Variants in NWD2 observed in about 807,000 individuals in gnomAD.
NWD2 encodes NACHT and WD repeat domain-containing protein 2.
Under a neutral mutation model 132.7 loss-of-function variants are expected in NWD2, and 37 were observed. That is an observed-to-expected ratio of 0.28 (90% CI 0.21 to 0.37). The LOEUF is 0.37. Among genes scored for constraint, NWD2 ranks in the 10% least tolerant of loss-of-function variants. The pLI is 1.00. For synonymous variants in NWD2, 705 were observed against 803.0 expected, an observed-to-expected ratio of 0.88 and a Z score of 2.06; for missense variants, 1,592 against 2,122.4, an observed-to-expected ratio of 0.75 and a Z score of 4.91.
intron 1 of NWD2, among the ~76,000 whole-genome samples, chr4:37,300,224 T>C (rs1214027976): frequency 1.3e-5 from 2 of 152,168 alleles, no homozygotes; most frequent in Non-Finnish European, 2.9e-5. Context: ...TATGCATTAT[T>C]GGAAATAGTG....
Position 37,446,435 on chromosome 4 carries a change from A to C in NWD2, c.4447A>C (p.Asn1483His). 1 of 1,551,790 alleles carries C rather than the reference A, an allele frequency of 6.4e-7. No individual in the cohort carries two copies. Among genetic ancestry groups the C allele is most frequent in the Non-Finnish European group, 8.7e-7 (1 of 1,147,024 alleles). Residue 1483 changes from asparagine to histidine, a missense_variant, in exon 7 of 7, where the codon AAT becomes CAT. This residue lies in a region of NWD2 where 257 missense variants were observed against 335.0 expected (regional missense o/e 0.77). Transcript: ENST00000309447. This position sits in a 1 kb window ranked among gnomAD's most constrained non-coding sequence, Gnocchi z 6.7. ...CTGTGAAGATGGGACCACCATCGTGAATTTTAAATTAATCCCTGACTGTCC... is the reference window on the plus strand; with the variant it reads ...CTGTGAAGATGGGACCACCATCGTGCATTTTAAATTAATCCCTGACTGTCC... Reference protein sequence around the residue: ...FCCEDGTTIVNFKLIPDCPDI... With the variant: ...FCCEDGTTIVHFKLIPDCPDI...
intron 3 of NWD2, among the ~76,000 whole-genome samples, chr4:37,419,586 G>C (rs1711744909): frequency 6.6e-6 from 1 of 152,044 alleles, no homozygotes; most frequent in Non-Finnish European, 1.5e-5. Context: ...AGTGGGCAAA[G>C]GATATAAACA....
At chr4:37,342,488 T>C (rs896434385) in intron 2 of NWD2, among the ~76,000 whole-genome samples, 2 of 152,180 alleles carry the variant, frequency 1.3e-5, no homozygotes, top group African/African-American at 4.8e-5. Flanking sequence ...CAAAGGCGTA[T>C]GGTTTGTGGT....
chr4:37,252,227 G>T (rs1287640286), intron 1 of NWD2, among the ~76,000 whole-genome samples: 2 of 152,230 alleles, frequency 1.3e-5, no homozygotes, highest in Admixed American at 6.5e-5. Context: ...ATTTTGAATA[G>T]AAGTGGAACT....
chr4:37,294,460 C>T (rs1718437231), intron 1 of NWD2, among the ~76,000 whole-genome samples: 1 of 152,130 alleles, frequency 6.6e-6, no homozygotes, highest in South Asian at 2.1e-4. Flanking sequence ...GCCATAGGAG[C>T]AGCTAAGAAG....
chr4:37,329,662 A>C (rs1318029054), intron 2 of NWD2, among the ~76,000 whole-genome samples: 2 of 152,246 alleles, frequency 1.3e-5, no homozygotes, highest in Non-Finnish European at 2.9e-5. Context: ...AGTGAAGGAA[A>C]TAATTACAGA....
chr4:37,366,659 A>G (rs1383552156), intron 3 of NWD2, among the ~76,000 whole-genome samples: 1 of 152,166 alleles, frequency 6.6e-6, no homozygotes, highest in African/African-American at 2.4e-5. Flanking sequence ...AAGTATGTAT[A>G]TCTAGATATA....
intron 3 of NWD2, among the ~76,000 whole-genome samples, chr4:37,384,795 A>G (rs1213285669): frequency 6.6e-6 from 1 of 152,172 alleles, no homozygotes; most frequent in Non-Finnish European, 1.5e-5. Flanking sequence ...GCTAGCAACT[A>G]CAGCCCTACC....
intron 1 of NWD2, among the ~76,000 whole-genome samples, chr4:37,297,948 A>G (rs546696415): frequency 3.9e-5 from 6 of 152,228 alleles, no homozygotes; most frequent in East Asian, 1.9e-4. Flanking sequence ...TGTTCCAGCT[A>G]GAGACCCCCA....
chr4:37,330,173 A>G (rs910226869), intron 2 of NWD2, among the ~76,000 whole-genome samples: 52 of 152,284 alleles, frequency 3.4e-4, no homozygotes, highest in African/African-American at 1.2e-3. Context: ...ATTTGAACTA[A>G]GATATTTGAT....
intron 2 of NWD2, among the ~76,000 whole-genome samples, chr4:37,335,311 G>GT (rs1241388039): frequency 1.7e-5 from 2 of 120,434 alleles, no homozygotes; most frequent in Admixed American, 9.0e-5. Flanking sequence ...GGGGGGGGGG[G>GT]GCTTAAATTG....
At chr4:37,309,580 G>C (rs1028396508) in intron 1 of NWD2, among the ~76,000 whole-genome samples, 4 of 152,036 alleles carry the variant, frequency 2.6e-5, no homozygotes, top group African/African-American at 7.3e-5. Context: ...CAGTAGTCTG[G>C]GTTCCAGAGA....
rs1179340781 is a variant in NWD2, at chr4:37,245,016, C to G, written c.-52C>G. ...GTTCCGTGGAGCTGCGGGCAGGAACCCGAGGAGCAGGAGGTGGCGGCGGCG... is the reference window on the plus strand; with the variant it reads ...GTTCCGTGGAGCTGCGGGCAGGAACGCGAGGAGCAGGAGGTGGCGGCGGCG... On this transcript the variant is annotated 5_prime_UTR_variant, in exon 1 of 7. Coordinates refer to ENST00000309447, the MANE Select transcript of NWD2 (RefSeq NM_001144990.2). The G allele has an allele frequency of 9.5e-5, 146 of 1,537,736 alleles. No homozygotes were observed. Among genetic ancestry groups the G allele is most frequent in the Non-Finnish European group, 1.2e-4 (143 of 1,145,656 alleles).
At chr4:37,287,767 G>A (rs2109270842) in intron 1 of NWD2, among the ~76,000 whole-genome samples, 1 of 152,306 alleles carries the variant, frequency 6.6e-6, no homozygotes, top group African/African-American at 2.4e-5. Context: ...CCCTAGTGAA[G>A]CACACCCCTT....
intron 3 of NWD2, among the ~76,000 whole-genome samples, chr4:37,420,882 A>G (rs554666065): frequency 6.6e-6 from 1 of 152,290 alleles, no homozygotes; most frequent in Admixed American, 6.5e-5. Context: ...ATAAGAATTT[A>G]TTGAATGAAT....
chr4:37,257,987 A>G (rs1717554120), intron 1 of NWD2, among the ~76,000 whole-genome samples: 1 of 152,256 alleles, frequency 6.6e-6, no homozygotes, highest in Non-Finnish European at 1.5e-5. Flanking sequence ...ATAGTAAAAA[A>G]TTATTTCTTT....
rs900646933 is a variant in NWD2 at position 37,449,205 on chromosome 4, A to G, written c.*1988A>G. The G allele has an allele frequency of 6.6e-6, 1 of 152,260 alleles. No homozygotes were observed. The highest frequency in any genetic ancestry group is 1.5e-5 in the Non-Finnish European group (1 of 68,030). The allele number at this position is 152,260 out of a possible 1,614,324, so 9.4% of individuals were successfully genotyped here. A position where few individuals can be genotyped will look rare whatever the true frequency, so the allele number is the denominator to read the frequency against. ...ATTAAATGTAGTATGTGAATGTTCT[A>G]TGTAAAAGCCAATAGAGTATACAAG... On this transcript the variant is annotated 3_prime_UTR_variant, in exon 7 of 7. Transcript: ENST00000309447.
chr4:37,393,580 G>A (rs2109312676), intron 3 of NWD2, among the ~76,000 whole-genome samples: 1 of 152,208 alleles, frequency 6.6e-6, no homozygotes, highest in Middle Eastern at 3.4e-3. Flanking sequence ...CTCCTTAACG[G>A]GCCATTGCGT....
intron 3 of NWD2, among the ~76,000 whole-genome samples, chr4:37,403,069 TA>T (rs2109316054): frequency 6.6e-6 from 1 of 152,114 alleles, no homozygotes; most frequent in East Asian, 1.9e-4. Flanking sequence ...CAAAGTCTAC[TA>T]GAAGAAAAGG....
Sources: gnomAD v4.1 joint callset for allele counts (sites outside exome capture counted in the v4.1 genomes callset) on GRCh38, gnomAD v4.1.1 for gene constraint, gnomAD v4.1.1 regional missense constraint, Gnocchi (gnomAD v3.1) non-coding constraint, MANE v1.5 for transcripts, NCBI Gene and HGNC (gene_info 2026-07-23, HGNC 2026-07-21) for gene names.